GOLGB1: variants seen among roughly 807,000 people sequenced by gnomAD.
GOLGB1 encodes the protein golgin B1.
GOLGB1 carries 174 observed loss-of-function variants against 336.9 expected under a neutral mutation model. The observed-to-expected ratio is 0.52, with a 90% CI of 0.46 to 0.59. The LOEUF (loss-of-function observed/expected upper bound fraction) is 0.59, where lower values mean the gene tolerates loss of function less well. GOLGB1 is among the 20% of genes least tolerant of loss of function. The probability of loss-of-function intolerance (pLI) is 0.00; values close to 1 mark genes in which losing one functional copy is unlikely to be tolerated. For synonymous variants in GOLGB1, 1,208 were observed against 1,289.2 expected (o/e 0.94, Z 1.35); for missense variants, 3,331 against 3,645.3 (o/e 0.91, Z 2.22).
At chr3:121,707,341 G>C (rs7648340) in intron 10 of GOLGB1, among the ~76,000 whole-genome samples, 34,142 of 151,380 alleles carry the variant, frequency 0.23, 4,115 homozygotes, top group East Asian at 0.46. Context: ...GTCCTTCAGA[G>C]CCAGGTGCAG....
At chr3:121,700,005 T>C in intron 11 of GOLGB1, 120 bp from the exon 12 acceptor site, 1 of 605,460 alleles carries the variant, frequency 1.7e-6, no homozygotes, top group East Asian at 2.8e-5. Flanking sequence ...ACAAAATAGC[T>C]TGGGAGAGGT....
At position 121,734,956 on chromosome 3, in the gene GOLGB1, C is replaced by G. The variant is rs116749677; in HGVS notation, c.-2-3983G>C. Among the ~76,000 whole-genome samples, 1,250 of 152,282 alleles carry G rather than the reference C, an allele frequency of 8.2e-3. 12 individuals carry two copies. Among genetic ancestry groups the G allele is most frequent in the African/African-American group, 0.028 (1,166 of 41,548 alleles). On this transcript the variant is annotated intron_variant, in intron 1 of 21. Transcript: ENST00000614479. ...CACATCCAAACAATGGAATACTACT[C>G]AGCAAAAGAATGAACAATTGATTCA... is the stretch of plus-strand genomic sequence containing the variant.
At chr3:121,679,753 C>T (rs1940849378) in intron 15 of GOLGB1, among the ~76,000 whole-genome samples, 1 of 152,184 alleles carries the variant, frequency 6.6e-6, no homozygotes, top group Non-Finnish European at 1.5e-5. Context: ...TGGACTCTTA[C>T]AATCACCTAG....
intron 18 of GOLGB1, 95 bp from the exon 19 acceptor site, chr3:121,668,253 G>A (rs1938933756): frequency 3.1e-6 from 2 of 643,306 alleles, no homozygotes; most frequent in Non-Finnish European, 5.4e-6. Flanking sequence ...GACTATCCCC[G>A]CTTATAATTC....
At position 121,664,509 on chromosome 3, in the gene GOLGB1, G is replaced by A. The variant is rs754213807; in HGVS notation, c.9766C>T (p.Leu3256Phe). The A allele has an allele frequency of 2.5e-6, 4 of 1,613,736 alleles. No individual in the cohort carries two copies. The highest frequency in any genetic ancestry group is 1.3e-5 in the African/African-American group (1 of 75,030). Residue 3256 changes from leucine (L) to phenylalanine (F), a missense_variant, in exon 22 of 22, where the codon CTC (leucine) becomes TTC (phenylalanine). By Grantham distance (22) the Leu-to-Phe change is conservative. Transcript: ENST00000614479. ...AGATGGCCCGTAAAACACAGAATGAGCAGGACATGAATCATTAGAAAGTAG... is the reference window on the plus strand; with the variant it reads ...AGATGGCCCGTAAAACACAGAATGAACAGGACATGAATCATTAGAAAGTAG... ...AIYFLMIHVL[L>F]ILCFTGHL is the part of the protein sequence containing the mutation.
rs1477857784 is a variant in GOLGB1, at chr3:121,693,805, C to T, written c.6718G>A (p.Val2240Ile). The T allele has an allele frequency of 1.2e-6, 2 of 1,609,176 alleles. No homozygotes were observed. Among genetic ancestry groups the T allele is most frequent in the African/African-American group, 2.7e-5 (2 of 74,848 alleles). Residue 2240 changes from valine (V) to isoleucine (I), a missense_variant, in exon 13 of 22, where the codon GTT (valine) becomes ATT (isoleucine). Transcript: ENST00000614479. ...ATCTGTCTAAGTTGATCCTTTAGAA[C>T]ACTGCAATTATCTTCTTTGAGTCTA... ...EIRLKEDNCS[V>I]LKDQLRQMSI...
At chr3:121,671,402 C>T (rs1345500247) in intron 17 of GOLGB1, among the ~76,000 whole-genome samples, 2 of 152,188 alleles carry the variant, frequency 1.3e-5, no homozygotes, top group Admixed American at 6.5e-5. Flanking sequence ...CCTGGACCCC[C>T]AACTCCCAGT....
intron 1 of GOLGB1, among the ~76,000 whole-genome samples, 159 bp downstream of exon 1, chr3:121,749,473 G>A (rs1947608927): frequency 1.3e-5 from 2 of 152,242 alleles, no homozygotes; most frequent in African/African-American, 2.4e-5. Context: ...GGTAGGTGAA[G>A]GAGGCGGGTG....
Position 121,722,260 on chromosome 3 carries a change from A to T in GOLGB1, c.648+2T>A. 2.6e-6 allele frequency: 4 copies of T among 1,551,202 alleles called. No individual in the cohort carries two copies. The highest frequency in any genetic ancestry group is 1.4e-5 in the African/African-American group (1 of 73,876). Reference sequence around the variant, plus strand: ...TTTATCCTAATTTTGTGAGGTCCCTACCTGTGCAGCTTGCTCTGCCTGTGT... The same window carrying T: ...TTTATCCTAATTTTGTGAGGTCCCTTCCTGTGCAGCTTGCTCTGCCTGTGT... On this transcript the variant is annotated splice_donor_variant, in intron 6 of 21. Transcript: ENST00000614479. LOFTEE classifies it high-confidence loss of function.
At chr3:121,739,338 C>T (rs544363840) in intron 1 of GOLGB1, among the ~76,000 whole-genome samples, 4 of 151,980 alleles carry the variant, frequency 2.6e-5, no homozygotes, top group East Asian at 1.9e-4. Flanking sequence ...AGGAGGAAAA[C>T]GATCATGATA....
In GOLGB1 at chr3:121,695,808, C is replaced by G. The variant is rs776963442; in HGVS notation, c.4715G>C (p.Ser1572Thr). 2 of 1,613,856 alleles carry G rather than the reference C, an allele frequency of 1.2e-6. No homozygotes were observed. Among genetic ancestry groups the G allele is most frequent in the South Asian group, 2.2e-5 (2 of 91,082 alleles). The part of the protein sequence containing the change: ...RSLLENQSLS[S>T]SCESLKLALE... Reference sequence around the variant, plus strand: ...AGCTAGTTTTAGACTTTCACAGGAGCTGCTGAGACTCTGATTTTCCAATAA... The same window carrying G: ...AGCTAGTTTTAGACTTTCACAGGAGGTGCTGAGACTCTGATTTTCCAATAA... Residue 1572 changes from serine (S) to threonine (T), a missense_variant, in exon 13 of 22, where the codon AGC (serine) becomes ACC (threonine). Transcript: ENST00000614479.
chr3:121,675,510 A>T (rs1460571566), intron 17 of GOLGB1, among the ~76,000 whole-genome samples: 3 of 152,214 alleles, frequency 2.0e-5, no homozygotes, highest in African/African-American at 7.2e-5. Context: ...GAAAAATGAC[A>T]CTATATGCAA....
At chr3:121,681,659 G>A (rs779873627) in intron 15 of GOLGB1, 28 bp downstream of exon 15, 1 of 1,465,618 alleles carries the variant, frequency 6.8e-7, no homozygotes, top group Non-Finnish European at 9.3e-7. Context: ...AATGAAAAGA[G>A]TTGAAAAGGA....
intron 17 of GOLGB1, among the ~76,000 whole-genome samples, chr3:121,674,829 T>TC (rs1382479003): frequency 1.4e-5 from 2 of 146,510 alleles, no homozygotes; most frequent in African/African-American, 2.5e-5. Context: ...GCCTTTCTTT[T>TC]TTTTTTTTTT....
At chr3:121,668,672 CAAAAAAAA>C (rs138891151) in intron 18 of GOLGB1, among the ~76,000 whole-genome samples, 2 of 66,630 alleles carry the variant, frequency 3.0e-5, no homozygotes, top group African/African-American at 4.8e-5. Flanking sequence ...GACTCCGTCT[CAAAAAAAA>C]AAAAAAAAAA....
intron 6 of GOLGB1, among the ~76,000 whole-genome samples, chr3:121,720,310 C>T (rs974949529): frequency 1.3e-5 from 2 of 152,350 alleles, no homozygotes; most frequent in South Asian, 2.1e-4. Flanking sequence ...TCTAAATCCA[C>T]ACCACCTCCC....
chr3:121,673,815 A>T (rs1939930892), intron 17 of GOLGB1, among the ~76,000 whole-genome samples: 1 of 151,916 alleles, frequency 6.6e-6, no homozygotes, highest in African/African-American at 2.4e-5. Flanking sequence ...CCGCCTCCCA[A>T]GTTCAAGTGA....
chr3:121,672,521 T>C (rs1011746721), intron 17 of GOLGB1, among the ~76,000 whole-genome samples: 5 of 152,268 alleles, frequency 3.3e-5, no homozygotes, highest in Non-Finnish European at 7.3e-5. Flanking sequence ...TTATATATTC[T>C]GGTTATTAAT....
chr3:121,688,440 G>A lies in GOLGB1; in HGVS notation c.8694+2230C>T, dbSNP rs550063328. Reference sequence around the variant, plus strand: ...TAACCGCGAGTGATCCGCCAACCTCGGCCTCCCGAGGTGCCGGGATTGCAG... The same window carrying A: ...TAACCGCGAGTGATCCGCCAACCTCAGCCTCCCGAGGTGCCGGGATTGCAG... On this transcript the variant is annotated intron_variant, in intron 14 of 21. Coordinates refer to ENST00000614479, the MANE Select transcript of GOLGB1 (RefSeq NM_001366282.2). 5.9e-5 allele frequency among the ~76,000 whole-genome samples: 9 copies of A among 152,334 alleles called. No homozygotes were observed. The South Asian group carries it at 1.9e-3, about 32-fold the overall frequency.
Sources: gnomAD v4.1 joint callset for allele counts (sites outside exome capture counted in the v4.1 genomes callset) on GRCh38, gnomAD v4.1.1 for gene constraint, MANE v1.5 for transcripts, NCBI Gene and HGNC (gene_info 2026-07-23, HGNC 2026-07-21) for gene names.